CTSF: variants seen among roughly 807,000 people sequenced by gnomAD.
The protein encoded by CTSF is cathepsin F.
A neutral mutation model predicts 63.5 loss-of-function variants in CTSF; 65 were observed. That is an observed-to-expected ratio of 1.02 (90% CI 0.84 to 1.26). CTSF has a LOEUF of 1.26. Ranked by LOEUF, CTSF falls within the 50% of genes most tolerant of loss-of-function variation. CTSF has a pLI of 0.00. For synonymous variants in CTSF, 256 were observed against 258.1 expected (o/e 0.99, Z 0.08); for missense variants, 641 against 631.0 (o/e 1.02, Z -0.17).
In CTSF at chr11:66,567,436, C is replaced by G. The variant is rs762774640; in HGVS notation, c.531+8G>C. 1 of 1,612,338 alleles carries G rather than the reference C, an allele frequency of 6.2e-7. No individual in the cohort carries two copies. The highest frequency in any genetic ancestry group is 1.7e-5 in the Admixed American group (1 of 59,928). On this transcript the variant is annotated splice_region_variant and intron_variant, in intron 3 of 12. Transcript: ENST00000310325. ...AGCTGAGGGCTCCTCAAGCTGAGGG[C>G]TCCTCACCTGGGACAGGGGATCCTC...
In CTSF at chr11:66,566,319, A is replaced by T. The variant is rs929020615; in HGVS notation, c.693T>A (p.Tyr231Ter). 6.2e-6 allele frequency: 10 copies of T among 1,614,072 alleles called. No individual in the cohort carries two copies. Among genetic ancestry groups the T allele is most frequent in the Non-Finnish European group, 8.5e-6 (10 of 1,180,032 alleles). Residue 231 changes from tyrosine to a stop codon, truncating the protein, a stop_gained, in exon 5 of 13, where the codon TAT becomes TAA. Coordinates refer to ENST00000310325, the MANE Select transcript of CTSF (RefSeq NM_003793.4). LOFTEE classifies it high-confidence loss of function. ...IQALDRGTAQ[Y>*]GVTKFSDLTE... ...TGAGATCACTGAACTTGGTGACTCC[A>T]TACTGAGCTGTGCCACGGTCCAGGG...
chr11:66,565,546 C>T (rs1308916691), intron 8 of CTSF, 125 bp downstream of exon 8: 1 of 1,366,796 alleles, frequency 7.3e-7, no homozygotes, highest in East Asian at 2.3e-5. Flanking sequence ...CTGGCTGGGT[C>T]AGCATTAAGA....
rs1857983712 is a variant in CTSF, at chr11:66,568,328, G to A, written c.159C>T (p.Gly53=). Reference sequence around the variant, plus strand: ...GCACGGCCCGCGTCCCCGCAGCCCGGCCGCGGTTGAACATCTCCAGCGCGA... The same window carrying A: ...GCACGGCCCGCGTCCCCGCAGCCCGACCGCGGTTGAACATCTCCAGCGCGA... The part of the protein sequence containing the change: ...TRFALEMFNR[G]RAAGTRAVLG... The change falls in exon 1 of 13, where the codon GGC becomes GGT. Residue 53 remains glycine, a synonymous_variant. Coordinates refer to ENST00000310325, the MANE Select transcript of CTSF (RefSeq NM_003793.4). The A allele has an allele frequency of 3.8e-6, 5 of 1,315,668 alleles. No individual in the cohort carries two copies. The highest frequency in any genetic ancestry group is 4.8e-6 in the Non-Finnish European group (5 of 1,042,712). The allele number at this position is 1,315,668 out of a possible 1,614,324, so 81.5% of individuals were successfully genotyped here. A position where few individuals can be genotyped will look rare whatever the true frequency, so the allele number is the denominator to read the frequency against.
Position 66,564,746 on chromosome 11 carries a change from A to G in CTSF, c.1226T>C (p.Met409Thr). 6.2e-7 allele frequency: 1 copy of G among 1,614,042 alleles called. No homozygotes were observed. Among genetic ancestry groups the G allele is most frequent in the Non-Finnish European group, 8.5e-7 (1 of 1,180,022 alleles). ...GCAGTGGGGCTAGGGCCTCACCTGC[A>G]TGCCAAAGGCATTGATGGCCACGGA... ...PISVAINAFG[M>T]QFYRHGISRP... Residue 409 changes from methionine (M) to threonine (T), a missense_variant, in exon 10 of 13, where the codon ATG (methionine) becomes ACG (threonine). Transcript: ENST00000310325.
Position 66,566,055 on chromosome 11 carries a change from C to T in CTSF, c.834G>A (p.Arg278=), listed in dbSNP as rs759062690. Residue 278 remains arginine, a synonymous_variant, in exon 6 of 13, where the codon AGG becomes AGA. Coordinates refer to ENST00000310325, the MANE Select transcript of CTSF (RefSeq NM_003793.4). The stretch of plus-strand genomic sequence containing the variant: ...TGACTTTTGTGACAGCCCCCTTACT[C>T]CTCCAGTCCCATTCAGGTGGGGCGA... The part of the protein sequence containing the change: ...GDLAPPEWDW[R]SKGAVTKVKD... The T allele has an allele frequency of 2.5e-6, 4 of 1,614,186 alleles. No individual in the cohort carries two copies. The Admixed American group carries it at 5.0e-5, about 20-fold the overall frequency.
intron 4 of CTSF, among the ~76,000 whole-genome samples, chr11:66,566,715 G>T (rs1475539304): frequency 6.6e-6 from 1 of 151,760 alleles, no homozygotes; most frequent in African/African-American, 2.4e-5. Context: ...GAGTGATGGA[G>T]ATGCAGAGCT....
Position 66,564,986 on chromosome 11 carries a change from C to A in CTSF, c.1066G>T (p.Asp356Tyr). ...KNLGGLETED[D>Y]YSYQGHMQSC... ...TGCATGTGACCCTGGTAGCTGTAGT[C>A]ATCCTCTGTCTCCAGCCCTCCTGGG... The change falls in exon 9 of 13, where the codon GAC (aspartate) becomes TAC (tyrosine). Residue 356 changes from aspartate to tyrosine, a missense_variant. Transcript: ENST00000310325. 6.3e-7 allele frequency: 1 copy of A among 1,575,450 alleles called. No individual in the cohort carries two copies. The highest frequency in any genetic ancestry group is 1.2e-5 in the South Asian group (1 of 84,804).
chr11:66,566,289 A>C lies in CTSF; in HGVS notation c.721+2T>G, dbSNP rs781058239. The C allele has an allele frequency of 6.2e-7, 1 of 1,614,076 alleles. No individual in the cohort carries two copies. The highest frequency in any genetic ancestry group is 8.5e-7 in the Non-Finnish European group (1 of 1,179,992). The stretch of plus-strand genomic sequence containing the variant: ...CATGAGGACTGTGGCCACTATCCCT[A>C]CCTGTGAGATCACTGAACTTGGTGA... On this transcript the variant is annotated splice_donor_variant, in intron 5 of 12. Coordinates refer to ENST00000310325, the MANE Select transcript of CTSF (RefSeq NM_003793.4). LOFTEE classifies it high-confidence loss of function.
At chr11:66,566,200 A>T (rs1857928359) in intron 5 of CTSF, 33 bp from the exon 6 acceptor site, 2 of 1,613,738 alleles carry the variant, frequency 1.2e-6, no homozygotes, top group Non-Finnish European at 1.7e-6. Flanking sequence ...CATGGGGAGG[A>T]AGAGTGTTCT....
Position 66,563,597 on chromosome 11 carries a change from G to T in CTSF, c.*336C>A. 4 of 519,190 alleles carry T rather than the reference G, an allele frequency of 7.7e-6. No individual in the cohort carries two copies. Among genetic ancestry groups the T allele is most frequent in the Non-Finnish European group, 1.4e-5 (4 of 289,548 alleles). 32.2% of individuals were successfully genotyped at this position (519,190 alleles called of 1,614,324 possible). ...TATCAAACAGAGGAAAGCGGGGGCA[G>T]AACAGAGCTGGGCTTAAGATCAGAA... On this transcript the variant is annotated 3_prime_UTR_variant, in exon 13 of 13. Transcript: ENST00000310325.
At chr11:66,564,431 G>T (rs1590814880) in intron 11 of CTSF, 127 bp downstream of exon 11, 1 of 919,496 alleles carries the variant, frequency 1.1e-6, no homozygotes, top group Non-Finnish European at 1.6e-6. Context: ...GCTGGTCATG[G>T]CCCAGGCAGT....
chr11:66,568,499 G>C lies in CTSF; in HGVS notation c.-13C>G. 5.4e-6 allele frequency: 8 copies of C among 1,481,406 alleles called. No individual in the cohort carries two copies. Among genetic ancestry groups the C allele is most frequent in the Non-Finnish European group, 7.1e-6 (8 of 1,123,390 alleles). 91.8% of individuals were successfully genotyped at this position (1,481,406 alleles called of 1,614,324 possible). A position where few individuals can be genotyped will look rare whatever the true frequency, so the allele number is the denominator to read the frequency against. ...GCCAGGGCGCCATGGCGAGGGCGAAGCCGGCGGCCCGGACCCAACAGACGC... is the reference window on the plus strand; with the variant it reads ...GCCAGGGCGCCATGGCGAGGGCGAACCCGGCGGCCCGGACCCAACAGACGC... On this transcript the variant is annotated 5_prime_UTR_variant, in exon 1 of 13. Transcript: ENST00000310325.
intron 2 of CTSF, 109 bp downstream of exon 2, chr11:66,567,875 G>A (rs553397943): frequency 1.4e-6 from 2 of 1,441,456 alleles, no homozygotes; most frequent in African/African-American, 1.4e-5. Context: ...GTGGCTCAAG[G>A]TGGGGCAGCA....
chr11:66,568,064 ACAG>A lies in CTSF; in HGVS notation c.229_231del (p.Leu77del). 2 of 1,603,036 alleles carry A rather than the reference ACAG, an allele frequency of 1.2e-6. No individual in the cohort carries two copies. Among genetic ancestry groups the A allele is most frequent in the Non-Finnish European group, 1.7e-6 (2 of 1,176,296 alleles). ...TCCTCCAGGGTGGCCTCCAGGGAGT[ACAG>A]CGACCCCTGACCCGCCTGGAGAGAG... is the stretch of plus-strand genomic sequence containing the variant. On this transcript the variant is annotated inframe_deletion, in exon 2 of 13. Transcript: ENST00000310325.
In CTSF at chr11:66,566,285, C is replaced by A. The variant is rs752659327; in HGVS notation, c.721+6G>T. 6 of 1,614,172 alleles carry A rather than the reference C, an allele frequency of 3.7e-6. No homozygotes were observed. The highest frequency in any genetic ancestry group is 5.1e-6 in the Non-Finnish European group (6 of 1,180,028). On this transcript the variant is annotated splice_donor_region_variant and intron_variant, in intron 5 of 12. Transcript: ENST00000310325. ...GATCCATGAGGACTGTGGCCACTAT[C>A]CCTACCTGTGAGATCACTGAACTTG...
In CTSF at chr11:66,565,812, A is replaced by T. The variant is rs1482148463; in HGVS notation, c.964+19T>A. The T allele has an allele frequency of 6.2e-7, 1 of 1,613,912 alleles. No homozygotes were observed. The highest frequency in any genetic ancestry group is 2.2e-5 in the East Asian group (1 of 44,884). Reference sequence around the variant, plus strand: ...TGAGGGGCTAGGCTGGGGACAGAGGAGTAGAGCGAGATGCTCACCCTGTTC... The same window carrying T: ...TGAGGGGCTAGGCTGGGGACAGAGGTGTAGAGCGAGATGCTCACCCTGTTC... On this transcript the variant is annotated intron_variant, in intron 7 of 12. Transcript: ENST00000310325.
At position 66,563,774 on chromosome 11, in the gene CTSF, G is replaced by C. The variant is rs1857860323; in HGVS notation, c.*159C>G. The C allele has an allele frequency of 2.4e-6, 2 of 818,388 alleles. No homozygotes were observed. Among genetic ancestry groups the C allele is most frequent in the Non-Finnish European group, 3.8e-6 (2 of 525,240 alleles). 50.7% of individuals were successfully genotyped at this position (818,388 alleles called of 1,614,324 possible). ...CAGGGTGGGAATGGGGTGCAGGGAAGCAGGGGCTGTGCCCCAGCCCAGTGC... is the reference window on the plus strand; with the variant it reads ...CAGGGTGGGAATGGGGTGCAGGGAACCAGGGGCTGTGCCCCAGCCCAGTGC... On this transcript the variant is annotated 3_prime_UTR_variant, in exon 13 of 13. Coordinates refer to ENST00000310325, the MANE Select transcript of CTSF (RefSeq NM_003793.4).
intron 4 of CTSF, 68 bp from the exon 5 acceptor site, chr11:66,566,472 T>C (rs1172644961): frequency 6.8e-7 from 1 of 1,462,620 alleles, no homozygotes; most frequent in East Asian, 2.4e-5. Flanking sequence ...CAATTGGGGC[T>C]AGCAGGCAGG....
At position 66,568,345 on chromosome 11, in the gene CTSF, C is replaced by G; in HGVS notation, c.142G>C (p.Glu48Gln). The change falls in exon 1 of 13, where the codon GAG (glutamate) becomes CAG (glutamine). Residue 48 changes from glutamate to glutamine, a missense_variant. Coordinates refer to ENST00000310325, the MANE Select transcript of CTSF (RefSeq NM_003793.4). ...ELLAPTRFAL[E>Q]MFNRGRAAGT... ...GCAGCCCGGCCGCGGTTGAACATCTCCAGCGCGAAGCGGGTGGGCGCCAGC... is the reference window on the plus strand; with the variant it reads ...GCAGCCCGGCCGCGGTTGAACATCTGCAGCGCGAAGCGGGTGGGCGCCAGC... The G allele has an allele frequency of 7.6e-7, 1 of 1,308,730 alleles. No homozygotes were observed. The highest frequency in any genetic ancestry group is 3.1e-5 in the East Asian group (1 of 31,768). 81.1% of individuals were successfully genotyped at this position (1,308,730 alleles called of 1,614,324 possible).
Sources: gnomAD v4.1 joint callset for allele counts (sites outside exome capture counted in the v4.1 genomes callset) on GRCh38, gnomAD v4.1.1 for gene constraint, MANE v1.5 for transcripts, NCBI Gene and HGNC (gene_info 2026-07-23, HGNC 2026-07-21) for gene names.